The following ADCY10 variants were observed in gnomAD, a reference collection of about 807,000 sequenced individuals.
ADCY10 encodes the protein adenylate cyclase type 10.
A neutral mutation model predicts 183.3 loss-of-function variants in ADCY10; 156 were observed. The ratio of observed to expected loss-of-function variants is 0.85; its 90% confidence interval spans 0.75 to 0.97. The LOEUF is 0.97. Ranked by LOEUF, ADCY10 falls within the 50% of genes least tolerant of loss-of-function variation. ADCY10 has a pLI of 0.00. For missense variants in ADCY10, 1,745 were observed against 1,934.3 expected, an observed-to-expected ratio of 0.90 and a Z score of 1.84; for synonymous variants, 645 against 670.0, an observed-to-expected ratio of 0.96 and a Z score of 0.58.
intron 1 of ADCY10, among the ~76,000 whole-genome samples, chr1:167,912,450 TG>T (rs1670213615): frequency 6.6e-6 from 1 of 152,200 alleles, no homozygotes; most frequent in Admixed American, 6.5e-5. Flanking sequence ...CATGGCACCC[TG>T]CATTTGCATA....
intron 21 of ADCY10, among the ~76,000 whole-genome samples, chr1:167,844,924 G>T (rs1365796413): frequency 6.6e-6 from 1 of 152,150 alleles, no homozygotes; most frequent in Non-Finnish European, 1.5e-5. Context: ...TGGTGGTGTT[G>T]CTCTGTGTCT....
In ADCY10 at chr1:167,822,059, T is replaced by A; in HGVS notation, c.4251A>T (p.Gly1417=). ...CAGAGGAATAAAGTCCCAGGAGGAG[T>A]CCACTGTGGAACTTGAGGATTCTGT... The part of the protein sequence containing the change: ...ENNRILKFHS[G]LLLGLYSSVA... The change falls in exon 30 of 33, where the codon GGA becomes GGT. Residue 1417 remains glycine (G), a synonymous_variant. Transcript: ENST00000367851. 1 of 1,605,022 alleles carries A rather than the reference T, an allele frequency of 6.2e-7. No homozygotes were observed. Among genetic ancestry groups the A allele is most frequent in the Non-Finnish European group, 8.5e-7 (1 of 1,171,760 alleles).
intron 28 of ADCY10, among the ~76,000 whole-genome samples, 170 bp from the exon 29 acceptor site, chr1:167,823,293 C>T (rs866502857): frequency 5.9e-5 from 9 of 151,726 alleles, no homozygotes; most frequent in Middle Eastern, 3.4e-3. Context: ...GGCATGGTGG[C>T]GGGCGCCTGT....
rs79000836 is a variant in ADCY10, at chr1:167,825,079, A to G, written c.3751-224T>C. 0.032 allele frequency among the ~76,000 whole-genome samples: 4,801 copies of G among 152,360 alleles called. 143 individuals are homozygous for G. The highest frequency in any genetic ancestry group is 0.14 in the East Asian group (730 of 5,188). ...ATGGCCCCTTGCCCATGTAGTCCTT[A>G]AATGAAATATAAAAATTTTAATTTC... On this transcript the variant is annotated intron_variant, in intron 26 of 32. Transcript: ENST00000367851.
At position 167,890,245 on chromosome 1, in the gene ADCY10, T is replaced by C. The variant is rs1668498170; in HGVS notation, c.828+3608A>G. ...TCAAAAAAACTTGGGTGTTGTGATC[T>C]AAGCCATATCTATATTACAGAGCAC... On this transcript the variant is annotated intron_variant, in intron 8 of 32. Transcript: ENST00000367851. 2.6e-5 allele frequency among the ~76,000 whole-genome samples: 4 copies of C among 152,242 alleles called. No homozygotes were observed. In the South Asian group the frequency reaches 8.3e-4, roughly 31 times the overall value.
intron 21 of ADCY10, 197 bp downstream of exon 21, chr1:167,845,366 G>C: frequency 1.6e-6 from 1 of 617,496 alleles, no homozygotes; most frequent in East Asian, 2.8e-5. Flanking sequence ...AGTGAGATTG[G>C]TTCGCTAGAC....
intron 25 of ADCY10, among the ~76,000 whole-genome samples, chr1:167,832,481 T>C (rs1160116038): frequency 6.6e-6 from 1 of 152,216 alleles, no homozygotes; most frequent in African/African-American, 2.4e-5. Context: ...AGTACAATTT[T>C]GACCAACGGA....
rs767487881 is a variant in ADCY10, at chr1:167,840,633, G to A, written c.3008-3315C>T. On this transcript the variant is annotated intron_variant, in intron 21 of 32. Transcript: ENST00000367851. ...GGCCTCACAAAGTGCTGCAATTACA[G>A]GCATGAGCAACCGTGCCCAACCAGA... 4.2e-4 allele frequency among the ~76,000 whole-genome samples: 64 copies of A among 152,188 alleles called. 1 individual carries two copies. The highest frequency in any genetic ancestry group is 3.4e-3 in the Middle Eastern group (1 of 294).
At chr1:167,864,806 T>C (rs994932064) in intron 14 of ADCY10, among the ~76,000 whole-genome samples, 3 of 151,638 alleles carry the variant, frequency 2.0e-5, no homozygotes, top group Non-Finnish European at 4.4e-5. Flanking sequence ...CCGAAAGCAC[T>C]GAGGCCTTCC....
At chr1:167,910,368 T>C (rs1670073350) in intron 1 of ADCY10, among the ~76,000 whole-genome samples, 1 of 152,266 alleles carries the variant, frequency 6.6e-6, no homozygotes, top group African/African-American at 2.4e-5. Flanking sequence ...TGAGGAATGA[T>C]GGCAGAGACT....
At chr1:167,867,001 G>A (rs424615) in intron 14 of ADCY10, among the ~76,000 whole-genome samples, 64,440 of 151,800 alleles carry the variant, frequency 0.42, 17,247 homozygotes, top group African/African-American at 0.76. Context: ...ACTTTAATCA[G>A]TACCAAAGGA....
intron 18 of ADCY10, among the ~76,000 whole-genome samples, chr1:167,853,381 G>C (rs562718299): frequency 1.3e-5 from 2 of 152,216 alleles, no homozygotes; most frequent in Admixed American, 1.3e-4. Context: ...AAAGAAGTCA[G>C]ACCAGCTAGG....
At chr1:167,890,847 G>A (rs1384104405) in intron 8 of ADCY10, among the ~76,000 whole-genome samples, 2 of 152,126 alleles carry the variant, frequency 1.3e-5, no homozygotes, top group Non-Finnish European at 2.9e-5. Flanking sequence ...CCATTTTACC[G>A]ATTAGATAAC....
At chr1:167,857,917 G>T (rs1259679740) in intron 16 of ADCY10, among the ~76,000 whole-genome samples, 1 of 152,084 alleles carries the variant, frequency 6.6e-6, no homozygotes, top group Non-Finnish European at 1.5e-5. Flanking sequence ...AACTAAACAG[G>T]TTCCTAGGCC....
chr1:167,827,718 A>T (rs7518626), intron 26 of ADCY10, among the ~76,000 whole-genome samples: 1 of 120,354 alleles, frequency 8.3e-6, no homozygotes, highest in Non-Finnish European at 1.8e-5. Context: ...AAAAAAAAAA[A>T]ATTTTTTTTT....
chr1:167,820,375 T>A, intron 30 of ADCY10: 1 of 601,196 alleles, frequency 1.7e-6, no homozygotes, highest in Non-Finnish European at 2.8e-6. Context: ...GCGCCTCGCC[T>A]AGCCCGCCTG....
intron 1 of ADCY10, among the ~76,000 whole-genome samples, chr1:167,907,141 G>A (rs576512006): frequency 6.6e-6 from 1 of 152,308 alleles, no homozygotes; most frequent in East Asian, 1.9e-4. Context: ...ACTGACAGGT[G>A]TAATGTCAGT....
At chr1:167,840,277 G>A (rs1359737395) in intron 21 of ADCY10, among the ~76,000 whole-genome samples, 1 of 151,712 alleles carries the variant, frequency 6.6e-6, no homozygotes, top group Non-Finnish European at 1.5e-5. Context: ...GCAAAGATTG[G>A]ATAGATAAAG....
chr1:167,893,753 A>G (rs1253108457), intron 8 of ADCY10, 100 bp downstream of exon 8: 4 of 637,470 alleles, frequency 6.3e-6, no homozygotes, highest in Non-Finnish European at 1.1e-5. Flanking sequence ...ACATTTTACT[A>G]TTTACTAGTA....
Sources: allele counts gnomAD v4.1 joint callset (sites outside exome capture counted in the v4.1 genomes callset), GRCh38; gene constraint gnomAD v4.1.1; transcripts MANE v1.5; gene names NCBI Gene and HGNC (gene_info 2026-07-23, HGNC 2026-07-21).